The following KTN1 variants were observed in gnomAD, a reference collection of about 807,000 sequenced individuals.
The protein encoded by KTN1 is kinectin.
KTN1 carries 130 observed loss-of-function variants against 222.5 expected under a neutral mutation model. The ratio of observed to expected loss-of-function variants is 0.58; its 90% confidence interval spans 0.51 to 0.68. The LOEUF (loss-of-function observed/expected upper bound fraction) is 0.68. KTN1 is among the 30% of genes least tolerant of loss of function. The pLI is 0.00. For synonymous variants in KTN1, 512 were observed against 496.3 expected, an observed-to-expected ratio of 1.03 and a Z score of -0.42; for missense variants, 1,508 against 1,500.4, an observed-to-expected ratio of 1.01 and a Z score of -0.08.
At chr14:55,672,404 T>C (rs987228845) in intron 37 of KTN1, 3 of 400,002 alleles carry the variant, frequency 7.5e-6, no homozygotes, top group Non-Finnish European at 8.9e-6. Flanking sequence ...TAATAAAAAA[T>C]TAATCACTTT....
chr14:55,640,476 G>GA, intron 15 of KTN1, 34 bp downstream of exon 15: 1 of 1,466,188 alleles, frequency 6.8e-7, no homozygotes, highest in African/African-American at 1.4e-5. Context: ...ATTGATCTCA[G>GA]AATTTCAATT....
chr14:55,608,849 C>A (rs915118517), intron 1 of KTN1, among the ~76,000 whole-genome samples: 2 of 151,906 alleles, frequency 1.3e-5, no homozygotes, highest in Admixed American at 6.6e-5. Flanking sequence ...AGACTGCTCT[C>A]GAATTCCTGA....
intron 1 of KTN1, 28 bp from the exon 2 acceptor site, chr14:55,611,991 T>G: frequency 9.8e-7 from 1 of 1,021,738 alleles, no homozygotes; most frequent in East Asian, 2.9e-5. Context: ...CTTTTTTTTT[T>G]TTTGTCCCCA....
At chr14:55,672,132 A>G (rs2045507165) in intron 37 of KTN1, 1 of 374,102 alleles carries the variant, frequency 2.7e-6, no homozygotes, top group Non-Finnish European at 4.8e-6. Context: ...TTACAGAACT[A>G]TTGTGTGATA....
rs960923814 is a variant in KTN1, at chr14:55,639,498, G to A, written c.1823+276G>A. On this transcript the variant is annotated intron_variant, in intron 13 of 43. Transcript: ENST00000395314. The stretch of plus-strand genomic sequence containing the variant: ...TGAGTGTTAGCAATTATGTGGAAGA[G>A]GTAATTGTTTAGAAAGTAGTGGAAG... Among the ~76,000 whole-genome samples, 9 of 151,708 alleles carry A rather than the reference G, an allele frequency of 5.9e-5. No individual in the cohort carries two copies. The East Asian group carries it at 1.2e-3, about 19-fold the overall frequency.
rs372955231 is a variant in KTN1 at position 55,650,313 on chromosome 14, A to T, written c.2406-15A>T. 3.9e-5 allele frequency: 61 copies of T among 1,548,658 alleles called. 1 individual carries two copies. The African/African-American group carries it at 7.7e-4, about 20-fold the overall frequency. On this transcript the variant is annotated splice_polypyrimidine_tract_variant and intron_variant, in intron 22 of 43. Transcript: ENST00000395314. Reference sequence around the variant, plus strand: ...GTGATTTCTAATCAAATTATACTGCATTTCTTTATTGAAGGATCCATGAGA... The same window carrying T: ...GTGATTTCTAATCAAATTATACTGCTTTTCTTTATTGAAGGATCCATGAGA...
chr14:55,658,679 A>G lies in KTN1; in HGVS notation c.2961+65A>G, dbSNP rs2043773469. 6.5e-6 allele frequency: 6 copies of G among 920,732 alleles called. No homozygotes were observed. In the South Asian group the frequency reaches 7.4e-5, roughly 11 times the overall value. The allele number at this position is 920,732 out of a possible 1,614,324, so 57.0% of individuals were successfully genotyped here. A position where few individuals can be genotyped will look rare whatever the true frequency, so the allele number is the denominator to read the frequency against. ...AAAAAAATTATATAACCAGTGACATATGAGTATTTTTGCCATTTCTGCATT... is the reference window on the plus strand; with the variant it reads ...AAAAAAATTATATAACCAGTGACATGTGAGTATTTTTGCCATTTCTGCATT... On this transcript the variant is annotated intron_variant, in intron 30 of 43. Coordinates refer to ENST00000395314, the MANE Select transcript of KTN1 (RefSeq NM_001079521.2).
In KTN1 at chr14:55,636,656, T is replaced by C. The variant is rs996133744; in HGVS notation, c.1549+120T>C. ...TGGTTATAGCTCAATAAAAATAGCT[T>C]TTATACTTTCAGAATATCTTTCTTT... On this transcript the variant is annotated intron_variant, in intron 10 of 43. Coordinates refer to ENST00000395314, the MANE Select transcript of KTN1 (RefSeq NM_001079521.2). 6 of 629,882 alleles carry C rather than the reference T, an allele frequency of 9.5e-6. No homozygotes were observed. The Admixed American group carries it at 1.9e-4, about 19-fold the overall frequency. 39.0% of individuals were successfully genotyped at this position (629,882 alleles called of 1,614,324 possible).
intron 18 of KTN1, among the ~76,000 whole-genome samples, chr14:55,645,538 T>A (rs937443418): frequency 1.3e-5 from 2 of 152,230 alleles, no homozygotes; most frequent in Non-Finnish European, 2.9e-5. Context: ...GTGTTATGTC[T>A]TTTTGTGAGA....
At chr14:55,640,131 T>C in intron 14 of KTN1, 128 bp downstream of exon 14, 4 of 699,244 alleles carry the variant, frequency 5.7e-6, no homozygotes, top group Non-Finnish European at 9.7e-6. Flanking sequence ...AATAACTGTT[T>C]TTCTAAACTA....
intron 1 of KTN1, among the ~76,000 whole-genome samples, chr14:55,604,039 C>G (rs571578328): frequency 1.1e-4 from 16 of 152,286 alleles, no homozygotes; most frequent in African/African-American, 3.8e-4. Context: ...ATTTCACTTT[C>G]TCCCTACACC....
At chr14:55,584,242 C>G (rs1029985797) in intron 1 of KTN1, among the ~76,000 whole-genome samples, 1 of 152,198 alleles carries the variant, frequency 6.6e-6, no homozygotes, top group African/African-American at 2.4e-5. Context: ...ACTATCATCC[C>G]TCTGCTTACT....
Position 55,612,216 on chromosome 14 carries a change from A to C in KTN1, c.168A>C (p.Lys56Asn). The change falls in exon 2 of 44, where the codon AAA becomes AAC. Residue 56 changes from lysine to asparagine, a missense_variant. Physicochemically the swap from Lys to Asn is moderately conservative, Grantham distance 94 (BLOSUM62 0). Transcript: ENST00000395314. ...KLIPTKTDKK[K>N]AEKKKNKKKE... ...TTCCTACCAAAACAGATAAAAAGAA[A>C]GCAGAAAAGAAAAAGAATAAAAAGA... 1 of 1,585,332 alleles carries C rather than the reference A, an allele frequency of 6.3e-7. No individual in the cohort carries two copies. The highest frequency in any genetic ancestry group is 8.5e-7 in the Non-Finnish European group (1 of 1,172,826).
rs757631873 is a variant in KTN1, at chr14:55,637,313, A to G, written c.1665A>G (p.Glu555=). 85 of 1,611,062 alleles carry G rather than the reference A, an allele frequency of 5.3e-5. No individual in the cohort carries two copies. Among genetic ancestry groups the G allele is most frequent in the Non-Finnish European group, 6.5e-5 (76 of 1,178,076 alleles). Reference sequence around the variant, plus strand: ...AGCAAAGACTAATGCAGTTAATGGAATCAGAGCAGAAAAGGGTGAACAAAG... The same window carrying G: ...AGCAAAGACTAATGCAGTTAATGGAGTCAGAGCAGAAAAGGGTGAACAAAG... The part of the protein sequence containing the change: ...QLEQRLMQLM[E]SEQKRVNKEE... The change falls in exon 11 of 44, where the codon GAA becomes GAG. Residue 555 remains glutamate (E), a synonymous_variant. Coordinates refer to ENST00000395314, the MANE Select transcript of KTN1 (RefSeq NM_001079521.2).
At chr14:55,600,055 G>T (rs2035734421) in intron 1 of KTN1, among the ~76,000 whole-genome samples, 1 of 151,116 alleles carries the variant, frequency 6.6e-6, no homozygotes, top group Admixed American at 6.6e-5. Flanking sequence ...ATTTTTGATA[G>T]TATTTGATGT....
At chr14:55,640,810 ACAG>A in intron 15 of KTN1, 120 bp from the exon 16 acceptor site, 1 of 745,700 alleles carries the variant, frequency 1.3e-6, no homozygotes. Context: ...ACAGAAATAT[ACAG>A]TATTGCTGTA....
intron 43 of KTN1, chr14:55,680,033 C>G (rs933645182): frequency 1.0e-5 from 2 of 191,766 alleles, no homozygotes; most frequent in Non-Finnish European, 1.1e-5. Flanking sequence ...CCTTTTCTCC[C>G]CCCTCCCTTC....
At chr14:55,660,320 G>A (rs2043985055) in intron 31 of KTN1, among the ~76,000 whole-genome samples, 2 of 150,244 alleles carry the variant, frequency 1.3e-5, no homozygotes, top group Non-Finnish European at 2.9e-5. Context: ...TCGCACCATT[G>A]CACTCCAGCC....
chr14:55,680,522 A>G (rs1156832838), intron 43 of KTN1: 1 of 468,046 alleles, frequency 2.1e-6, no homozygotes, highest in East Asian at 6.1e-5. Context: ...CAATCATGAT[A>G]TCCTGGAGAC....
Sources: allele counts gnomAD v4.1 joint callset (sites outside exome capture counted in the v4.1 genomes callset), GRCh38; gene constraint gnomAD v4.1.1; transcripts MANE v1.5; gene names NCBI Gene and HGNC (gene_info 2026-07-23, HGNC 2026-07-21).